CCDC171: variants seen among roughly 807,000 people sequenced by gnomAD.
The protein encoded by CCDC171 is coiled-coil domain-containing protein 171.
A neutral mutation model predicts 168.2 loss-of-function variants in CCDC171; 177 were observed. The ratio of observed to expected loss-of-function variants is 1.05; its 90% CI spans 0.93 to 1.19. The LOEUF (loss-of-function observed/expected upper bound fraction) is 1.19. Among genes scored for constraint, CCDC171 ranks in the 50% most tolerant of loss-of-function variants. The pLI is 0.00. For missense variants in CCDC171, 1,991 were observed against 1,539.0 expected, an observed-to-expected ratio of 1.29 and a Z score of -4.91; for synonymous variants, 687 against 540.8, an observed-to-expected ratio of 1.27 and a Z score of -3.75.
At chr9:15,575,627 A>T (rs1413629244) in intron 3 of CCDC171, among the ~76,000 whole-genome samples, 1 of 152,204 alleles carries the variant, frequency 6.6e-6, no homozygotes. Context: ...GTGAACATAG[A>T]TGGGGAAAAC....
rs1486578760 is a variant in CCDC171, at chr9:15,729,784, C to G, written c.2035C>G (p.Gln679Glu). Residue 679 changes from glutamine (Q) to glutamate (E), a missense_variant, in exon 16 of 26, where the codon CAG becomes GAG. By Grantham distance (29) the Gln-to-Glu change is conservative (BLOSUM62 2). Coordinates refer to ENST00000380701, the MANE Select transcript of CCDC171 (RefSeq NM_173550.4). Reference protein sequence around the residue: ...LQYSELFLEVQKRAQKFQEIA... With the variant: ...LQYSELFLEVEKRAQKFQEIA... Reference sequence around the variant, plus strand: ...GTATTCTGAACTCTTCCTGGAGGTGCAGAAGAGGGCACAGGTATGCTACCT... The same window carrying G: ...GTATTCTGAACTCTTCCTGGAGGTGGAGAAGAGGGCACAGGTATGCTACCT... 6.2e-7 allele frequency: 1 copy of G among 1,608,496 alleles called. No homozygotes were observed. Among genetic ancestry groups the G allele is most frequent in the African/African-American group, 1.3e-5 (1 of 74,762 alleles).
At chr9:15,687,024 A>G (rs1462715792) in intron 10 of CCDC171, among the ~76,000 whole-genome samples, 2 of 152,334 alleles carry the variant, frequency 1.3e-5, no homozygotes, top group South Asian at 2.1e-4. Flanking sequence ...ACAAGCCTCA[A>G]TAAATTTAAA....
the CCDC171 span, among the ~76,000 whole-genome samples, chr9:16,094,401 C>T: frequency 9.2e-5 from 14 of 152,096 alleles, no homozygotes; most frequent in African/African-American, 2.4e-4. Context: ...AGCGAGTGCT[C>T]GTTGTGTATC....
At chr9:16,092,541 C>A in the CCDC171 span, among the ~76,000 whole-genome samples, 1 of 152,148 alleles carries the variant, frequency 6.6e-6, no homozygotes, top group Admixed American at 6.5e-5. Context: ...CAGACATTTG[C>A]TAACAGAGGT....
chr9:15,595,585 T>C (rs891522830), intron 6 of CCDC171, among the ~76,000 whole-genome samples: 2 of 152,206 alleles, frequency 1.3e-5, no homozygotes, highest in African/African-American at 4.8e-5. Context: ...TCTTTGCTAT[T>C]GTGAATAGTG....
chr9:15,779,579 C>T lies in CCDC171; in HGVS notation c.3081+429C>T, dbSNP rs148072114. Among the ~76,000 whole-genome samples the T allele has an allele frequency of 2.2e-4, 34 of 152,254 alleles. No homozygotes were observed. The East Asian group carries it at 5.6e-3, about 25-fold the overall frequency. On this transcript the variant is annotated intron_variant, in intron 20 of 25. Transcript: ENST00000380701. ...TTCTCCATGTTGGCCGGGGTGTTCT[C>T]GAACTCCTGACCTCAGCTGATCTGC...
chr9:15,784,804 T>C, intron 21 of CCDC171, 110 bp downstream of exon 21: 3 of 792,164 alleles, frequency 3.8e-6, no homozygotes, highest in Admixed American at 3.0e-5. Context: ...TGTAAAATTT[T>C]ATTCTATGAG....
the CCDC171 span, among the ~76,000 whole-genome samples, chr9:16,103,787 G>A: frequency 1.3e-5 from 2 of 152,212 alleles, no homozygotes; most frequent in South Asian, 4.1e-4. Flanking sequence ...CAAGCGGCGA[G>A]GGGGGCCTGC....
At chr9:15,948,544 T>A (rs1187708110) in intron 25 of CCDC171, among the ~76,000 whole-genome samples, 4 of 151,978 alleles carry the variant, frequency 2.6e-5, no homozygotes, top group Admixed American at 6.6e-5. Context: ...GATATCTCAT[T>A]GTGGTTTTGA....
rs61064954 is a variant in CCDC171, at chr9:15,831,830, T to C, written c.3268-14872T>C. On this transcript the variant is annotated intron_variant, in intron 21 of 25. Coordinates refer to ENST00000380701, the MANE Select transcript of CCDC171 (RefSeq NM_173550.4). ...GCTTACAAAACTGCCTTTTAAAAAA[T>C]GTTTGTAATCATATTTTTCCTGGTA... Among the ~76,000 whole-genome samples, 1,204 of 152,108 alleles carry C rather than the reference T, an allele frequency of 7.9e-3. 15 individuals carry two copies. Among genetic ancestry groups the C allele is most frequent in the African/African-American group, 0.028 (1,148 of 41,428 alleles).
At chr9:15,906,201 C>T (rs191873015) in intron 24 of CCDC171, among the ~76,000 whole-genome samples, 2 of 152,246 alleles carry the variant, frequency 1.3e-5, no homozygotes, top group African/African-American at 4.8e-5. Flanking sequence ...GATACCAAAG[C>T]CTGGCAGAGA....
chr9:15,799,188 T>G (rs1186758761), intron 21 of CCDC171, among the ~76,000 whole-genome samples: 4 of 136,756 alleles, frequency 2.9e-5, no homozygotes, highest in Non-Finnish European at 3.1e-5. Flanking sequence ...CACACTTCCT[T>G]TATATAGACC....
chr9:16,016,743 A>G (rs919201879), intron 3 of CCDC171, among the ~76,000 whole-genome samples: 18 of 152,306 alleles, frequency 1.2e-4, no homozygotes, highest in Non-Finnish European at 2.1e-4. Context: ...TTGTATTTAA[A>G]TTTTGTTTTC....
At chr9:15,801,832 G>T (rs2135794478) in intron 21 of CCDC171, among the ~76,000 whole-genome samples, 1 of 151,990 alleles carries the variant, frequency 6.6e-6, no homozygotes, top group Middle Eastern at 3.4e-3. Flanking sequence ...AATCATGAAG[G>T]GATGTTGAAT....
At chr9:15,649,693 A>T (rs1289190093) in intron 7 of CCDC171, among the ~76,000 whole-genome samples, 2 of 152,176 alleles carry the variant, frequency 1.3e-5, no homozygotes, top group African/African-American at 2.4e-5. Context: ...TCAAAACCAC[A>T]ATGAGATACC....
At chr9:15,643,741 C>G (rs958240471) in intron 7 of CCDC171, among the ~76,000 whole-genome samples, 2 of 152,168 alleles carry the variant, frequency 1.3e-5, no homozygotes, top group African/African-American at 4.8e-5. Context: ...CTCCTTCTTC[C>G]CTATCCTCCT....
At chr9:15,754,540 C>A (rs1455972958) in intron 18 of CCDC171, among the ~76,000 whole-genome samples, 1 of 152,072 alleles carries the variant, frequency 6.6e-6, no homozygotes, top group South Asian at 2.1e-4. Flanking sequence ...CACACACACA[C>A]CCCTTTATAC....
At chr9:15,583,587 A>C (rs1332507005) in intron 4 of CCDC171, among the ~76,000 whole-genome samples, 1 of 152,128 alleles carries the variant, frequency 6.6e-6, no homozygotes, top group African/African-American at 2.4e-5. Flanking sequence ...ATGAGTATGC[A>C]AAGGCATAAG....
rs773305530 is a variant in CCDC171 at position 15,744,737 on chromosome 9, AG to A, written c.2515del (p.Val839CysfsTer38). 6.2e-7 allele frequency: 1 copy of A among 1,614,080 alleles called. No homozygotes were observed. Among genetic ancestry groups the A allele is most frequent in the Non-Finnish European group, 8.5e-7 (1 of 1,180,010 alleles). ...GTTTCAAAGAAGGCATAGGCATGTT[AG>A]TGTGCACAGGAGAGCCCCAAGACAA... ...ESFKEGIGML[V>X]CTGEPQDKHK... On this transcript the variant is annotated frameshift_variant, in exon 17 of 26. Transcript: ENST00000380701. LOFTEE classifies it high-confidence loss of function.
Sources: gnomAD v4.1 joint callset for allele counts (sites outside exome capture counted in the v4.1 genomes callset) on GRCh38, gnomAD v4.1.1 for gene constraint, MANE v1.5 for transcripts, NCBI Gene and HGNC (gene_info 2026-07-23, HGNC 2026-07-21) for gene names.